The following LRSAM1 variants were observed in gnomAD, a reference collection of about 807,000 sequenced individuals.
LRSAM1 encodes the protein E3 ubiquitin-protein ligase LRSAM1.
Under a neutral mutation model 118.1 loss-of-function variants are expected in LRSAM1, and 96 were observed. The ratio of observed to expected loss-of-function variants is 0.81; its 90% CI spans 0.69 to 0.96. The LOEUF is 0.96. Among genes scored for constraint, LRSAM1 ranks in the 40% least tolerant of loss-of-function variants. The probability of loss-of-function intolerance (pLI) is 0.00; values close to 1 mark genes in which losing one functional copy is unlikely to be tolerated. For missense variants in LRSAM1, 804 were observed against 915.5 expected, an observed-to-expected ratio of 0.88 and a Z score of 1.57; for synonymous variants, 322 against 364.2, an observed-to-expected ratio of 0.88 and a Z score of 1.32.
chr9:127,462,523 ATG>A, intron 9 of LRSAM1, 150 bp downstream of exon 9: 1 of 1,183,738 alleles, frequency 8.4e-7, no homozygotes. Flanking sequence ...AGAGAGGCCA[ATG>A]TGTGAACATT....
At chr9:127,471,145 A>G (rs899240590) in intron 10 of LRSAM1, among the ~76,000 whole-genome samples, 5 of 152,044 alleles carry the variant, frequency 3.3e-5, no homozygotes, top group African/African-American at 4.8e-5. Context: ...CACCCTGGCC[A>G]ATGGCTGAGC....
chr9:127,458,488 G>A (rs1001301500), intron 6 of LRSAM1, among the ~76,000 whole-genome samples: 7 of 152,100 alleles, frequency 4.6e-5, no homozygotes, highest in African/African-American at 7.2e-5. Context: ...GCTGAGGCAC[G>A]AGAATCACTT....
rs1169125236 is a variant in LRSAM1, at chr9:127,487,762, A to G, written c.1346A>G (p.Glu449Gly). The stretch of plus-strand genomic sequence containing the variant: ...AAAGCCATCAGCCAGATCCTGCAGG[A>G]GGTGAGCCCTCGCCCAGAGCCTGAG... ...QNKAISQILQESAMQKAAFEA... is the reference protein window; with the variant it reads ...QNKAISQILQGSAMQKAAFEA... Residue 449 changes from glutamate (E) to glycine (G), a missense_variant and splice_region_variant, in exon 18 of 26, where the codon GAG becomes GGG. Physicochemically the swap from Glu to Gly is moderately conservative, Grantham distance 98. Coordinates refer to ENST00000300417, the MANE Select transcript of LRSAM1 (RefSeq NM_001005373.4). 2.5e-6 allele frequency: 4 copies of G among 1,612,098 alleles called. No individual in the cohort carries two copies. The highest frequency in any genetic ancestry group is 2.2e-5 in the East Asian group (1 of 44,878).
rs1834322654 is a variant in LRSAM1 at position 127,451,555 on chromosome 9, G to C, written c.-303G>C. 1.7e-6 allele frequency: 1 copy of C among 577,036 alleles called. No homozygotes were observed. Among genetic ancestry groups the C allele is most frequent in the Admixed American group, 3.0e-5 (1 of 33,558 alleles). 35.7% of individuals were successfully genotyped at this position (577,036 alleles called of 1,614,324 possible). On this transcript the variant is annotated 5_prime_UTR_variant, in exon 1 of 26. Transcript: ENST00000300417. ...GCTGACGGCTGGCAAGCAGGGCACC[G>C]CGGTGCGCTGAAGCTAGAGATTCCG... is the stretch of plus-strand genomic sequence containing the variant.
intron 9 of LRSAM1, among the ~76,000 whole-genome samples, chr9:127,466,521 TTTTTTTTTTC>T (rs1276369432): frequency 2.1e-4 from 21 of 100,812 alleles, no homozygotes; most frequent in East Asian, 1.8e-3. Flanking sequence ...TTTTTTTTTT[TTTTTTTTTTC>T]CACTAGAGAT....
At position 127,496,012 on chromosome 9, in the gene LRSAM1, G is replaced by A. The variant is rs1202628332; in HGVS notation, c.1747G>A (p.Ala583Thr). 6.2e-7 allele frequency: 1 copy of A among 1,612,774 alleles called. No individual in the cohort carries two copies. Among genetic ancestry groups the A allele is most frequent in the African/African-American group, 1.3e-5 (1 of 75,064 alleles). ...QLVALLEELS[A>T]EHYLPIFAHH... ...GGTGGCCCTCCTGGAGGAGCTGTCG[G>A]CTGAGCACTACCTGCCCATCTTTGC... is the stretch of plus-strand genomic sequence containing the variant. The change falls in exon 23 of 26, where the codon GCT (alanine) becomes ACT (threonine). Residue 583 changes from alanine to threonine, a missense_variant. Transcript: ENST00000300417.
At chr9:127,485,876 G>C (rs749357519) in intron 17 of LRSAM1, 41 bp downstream of exon 17, 2 of 1,589,200 alleles carry the variant, frequency 1.3e-6, no homozygotes, top group East Asian at 4.5e-5. Context: ...GGAGCTGGGG[G>C]AGCTGGCTCA....
rs1564288083 is a variant in LRSAM1, at chr9:127,502,924, G to GTCCTA, written c.*26_*30dup. 6.3e-7 allele frequency: 1 copy of GTCCTA among 1,575,880 alleles called. No individual in the cohort carries two copies. The highest frequency in any genetic ancestry group is 8.6e-7 in the Non-Finnish European group (1 of 1,162,254). ...AGTGCTGCCCGCCCACCTGGGCCTG[G>GTCCTA]TCCTAGCCCTGCCTCGGCCACTGTG... On this transcript the variant is annotated 3_prime_UTR_variant, in exon 26 of 26. Coordinates refer to ENST00000300417, the MANE Select transcript of LRSAM1 (RefSeq NM_001005373.4).
intron 3 of LRSAM1, 138 bp from the exon 4 acceptor site, chr9:127,454,860 A>G: frequency 1.1e-6 from 1 of 930,004 alleles, no homozygotes. Context: ...TCATTGGTTC[A>G]CCTGCCAAAT....
intron 19 of LRSAM1, 144 bp downstream of exon 19, chr9:127,489,662 A>G (rs1835859893): frequency 1.1e-6 from 1 of 887,384 alleles, no homozygotes; most frequent in Non-Finnish European, 1.8e-6. Flanking sequence ...CCTTGCCCTC[A>G]GAACCTCCCT....
At chr9:127,482,677 T>C (rs1835584714) in intron 15 of LRSAM1, among the ~76,000 whole-genome samples, 1 of 152,256 alleles carries the variant, frequency 6.6e-6, no homozygotes, top group Non-Finnish European at 1.5e-5. Context: ...TCCAGATGTT[T>C]ATTGATCACT....
chr9:127,465,080 G>A lies in LRSAM1; in HGVS notation c.529-2660G>A, dbSNP rs908180360. 4.6e-5 allele frequency among the ~76,000 whole-genome samples: 7 copies of A among 152,012 alleles called. No homozygotes were observed. The highest frequency in any genetic ancestry group is 7.4e-5 in the Non-Finnish European group (5 of 68,008). On this transcript the variant is annotated intron_variant, in intron 9 of 25. Transcript: ENST00000300417. The surrounding 1 kb of genome is among the most constrained non-coding windows in gnomAD (Gnocchi z 4.1). ...TGTGGGCAAGATCTTCAGGTGTCACGCACGCCACCCACCAAACAGCCCACC... is the reference window on the plus strand; with the variant it reads ...TGTGGGCAAGATCTTCAGGTGTCACACACGCCACCCACCAAACAGCCCACC...
In LRSAM1 at chr9:127,496,435, T is replaced by C. The variant is rs1169269099; in HGVS notation, c.1830+340T>C. 2.6e-5 allele frequency among the ~76,000 whole-genome samples: 4 copies of C among 152,216 alleles called. No individual in the cohort carries two copies. The East Asian group carries it at 7.7e-4, about 29-fold the overall frequency. On this transcript the variant is annotated intron_variant, in intron 23 of 25. Coordinates refer to ENST00000300417, the MANE Select transcript of LRSAM1 (RefSeq NM_001005373.4). ...TCACAAACTGTCGTGGCCACAGCAC[T>C]GCCTGAGCCCCTGTTCCTTTCTGGG... is the stretch of plus-strand genomic sequence containing the variant.
intron 25 of LRSAM1, among the ~76,000 whole-genome samples, chr9:127,502,081 G>A (rs1467086282): frequency 1.3e-5 from 2 of 152,236 alleles, no homozygotes; most frequent in Non-Finnish European, 2.9e-5. Context: ...AGACTGAGGA[G>A]TTCAGGGCCT....
chr9:127,500,983 CTCAG>C (rs746435196), intron 24 of LRSAM1, 23 bp from the exon 25 acceptor site: 3 of 1,613,772 alleles, frequency 1.9e-6, no homozygotes, highest in African/African-American at 2.7e-5. Flanking sequence ...ATGACCCTGG[CTCAG>C]TCTGTCTGTC....
intron 6 of LRSAM1, among the ~76,000 whole-genome samples, chr9:127,458,415 A>C (rs1834608386): frequency 7.2e-6 from 1 of 138,024 alleles, no homozygotes; most frequent in Non-Finnish European, 1.6e-5. Flanking sequence ...AAAACAAAAC[A>C]AAACAAAAAA....
Position 127,487,766 on chromosome 9 carries a change from G to T in LRSAM1, c.1347+3G>T, listed in dbSNP as rs375937623. 9 of 1,611,406 alleles carry T rather than the reference G, an allele frequency of 5.6e-6. No individual in the cohort carries two copies. The highest frequency in any genetic ancestry group is 7.6e-6 in the Non-Finnish European group (9 of 1,178,766). ...CCATCAGCCAGATCCTGCAGGAGGTGAGCCCTCGCCCAGAGCCTGAGGGTG... is the reference window on the plus strand; with the variant it reads ...CCATCAGCCAGATCCTGCAGGAGGTTAGCCCTCGCCCAGAGCCTGAGGGTG... On this transcript the variant is annotated splice_donor_region_variant and intron_variant, in intron 18 of 25. Transcript: ENST00000300417.
Position 127,503,484 on chromosome 9 carries a change from A to C in LRSAM1, c.*585A>C. ...CGATCCGAAGCAGGAGTGTCAATAA[A>C]CCTGTCTTCAGTGCGCTTCTGGCCT... On this transcript the variant is annotated 3_prime_UTR_variant, in exon 26 of 26. Coordinates refer to ENST00000300417, the MANE Select transcript of LRSAM1 (RefSeq NM_001005373.4). 6.5e-6 allele frequency: 1 copy of C among 154,706 alleles called. No homozygotes were observed. Among genetic ancestry groups the C allele is most frequent in the Admixed American group, 6.3e-5 (1 of 15,780 alleles). 9.6% of individuals were successfully genotyped at this position (154,706 alleles called of 1,614,324 possible).
intron 9 of LRSAM1, among the ~76,000 whole-genome samples, chr9:127,466,509 T>TATACA (rs1834951315): frequency 1.3e-5 from 1 of 74,602 alleles, no homozygotes; most frequent in African/African-American, 7.1e-5. Context: ...TATATATTTT[T>TATACA]TTTTTTTTTT....
Sources: gnomAD v4.1 joint callset for allele counts (sites outside exome capture counted in the v4.1 genomes callset) on GRCh38, gnomAD v4.1.1 for gene constraint, Gnocchi (gnomAD v3.1) non-coding constraint, MANE v1.5 for transcripts, NCBI Gene and HGNC (gene_info 2026-07-23, HGNC 2026-07-21) for gene names.